Variants in LMCD1 observed in about 807,000 individuals in gnomAD.
LMCD1 encodes the protein LIM and cysteine rich domains 1.
In LMCD1, 32 loss-of-function variants were observed where a neutral mutation model predicts 42.7. The ratio of observed to expected loss-of-function variants is 0.75; its 90% CI spans 0.57 to 1.01. LMCD1 has a LOEUF of 1.01. LMCD1 is among the 50% of genes least tolerant of loss of function. The pLI, the probability that LMCD1 is intolerant of heterozygous loss-of-function variation, is 0.00. For missense variants in LMCD1, 458 were observed against 483.1 expected (o/e 0.95, Z 0.49); for synonymous variants, 178 against 184.9 (o/e 0.96, Z 0.30).
chr3:8,512,933 A>C (rs1229010621), intron 1 of LMCD1, among the ~76,000 whole-genome samples: 1 of 152,178 alleles, frequency 6.6e-6, no homozygotes, highest in Non-Finnish European at 1.5e-5. Context: ...TGGCCTTTCA[A>C]GTTCAGAAAG....
chr3:8,550,089 G>A (rs1694813815), intron 4 of LMCD1: 1 of 1,432,576 alleles, frequency 7.0e-7, no homozygotes, highest in Non-Finnish European at 9.1e-7. Context: ...TGAGGAGTGA[G>A]TCACTGGGGG....
chr3:8,501,971 A>G lies in LMCD1; in HGVS notation c.33A>G (p.Gly11=). Reference sequence around the variant, plus strand: ...AGGTGGCTAAGGACCTCAACCCAGGAGTTAAAAAGGTGAGTGGAAAGCTGT... The same window carrying G: ...AGGTGGCTAAGGACCTCAACCCAGGGGTTAAAAAGGTGAGTGGAAAGCTGT... The part of the protein sequence containing the change: MAKVAKDLNP[G]VKKMSLGQLQ... The change falls in exon 1 of 6, where the codon GGA becomes GGG. Residue 11 remains glycine, a synonymous_variant. Transcript: ENST00000157600. 1.3e-6 allele frequency: 2 copies of G among 1,592,448 alleles called. No individual in the cohort carries two copies. Among genetic ancestry groups the G allele is most frequent in the Non-Finnish European group, 1.7e-6 (2 of 1,170,710 alleles).
chr3:8,518,387 G>T (rs1694136984), intron 1 of LMCD1, among the ~76,000 whole-genome samples: 1 of 152,212 alleles, frequency 6.6e-6, no homozygotes, highest in Non-Finnish European at 1.5e-5. Context: ...TCTCTAGTGA[G>T]TCATCTTCCA....
chr3:8,555,617 G>T (rs1462214513), intron 4 of LMCD1, among the ~76,000 whole-genome samples: 2 of 151,248 alleles, frequency 1.3e-5, no homozygotes, highest in Non-Finnish European at 2.9e-5. Context: ...GTGACTTTCA[G>T]GGAGATCTTT....
intron 1 of LMCD1, 51 bp from the exon 2 acceptor site, chr3:8,532,686 C>A: frequency 6.6e-7 from 1 of 1,516,932 alleles, no homozygotes; most frequent in Non-Finnish European, 9.2e-7. Context: ...CAAGCATCTC[C>A]GGTCCAAGAT....
In LMCD1 at chr3:8,519,532, T is replaced by A. The variant is rs370823534; in HGVS notation, c.43-13205T>A. ...CAACGTGAAGGACCGTTCACTAGTT[T>A]CTGTTTCATAAAACTGAGCTTAGAA... On this transcript the variant is annotated intron_variant, in intron 1 of 5. Coordinates refer to ENST00000157600, the MANE Select transcript of LMCD1 (RefSeq NM_014583.4). Among the ~76,000 whole-genome samples the A allele has an allele frequency of 1.5e-4, 23 of 152,332 alleles. 1 individual carries two copies. Among genetic ancestry groups the A allele is most frequent in the African/African-American group, 5.3e-4 (22 of 41,570 alleles).
intron 1 of LMCD1, among the ~76,000 whole-genome samples, chr3:8,527,561 A>T (rs1322864305): frequency 6.6e-6 from 1 of 151,818 alleles, no homozygotes; most frequent in Non-Finnish European, 1.5e-5. Context: ...AACCCATCTC[A>T]CTCCAGCTTC....
At chr3:8,548,453 G>A (rs1357487930) in intron 3 of LMCD1, 115 bp from the exon 4 acceptor site, 8 of 611,004 alleles carry the variant, frequency 1.3e-5, no homozygotes, top group Non-Finnish European at 2.1e-5. Flanking sequence ...TCTTTCAGTT[G>A]CTGAGAATGC....
At chr3:8,535,404 C>T (rs1326969658) in intron 2 of LMCD1, among the ~76,000 whole-genome samples, 1 of 152,204 alleles carries the variant, frequency 6.6e-6, no homozygotes, top group Non-Finnish European at 1.5e-5. Flanking sequence ...TACTGGAACA[C>T]ATCCTTGAGA....
intron 3 of LMCD1, among the ~76,000 whole-genome samples, chr3:8,547,121 G>C (rs1694751936): frequency 1.3e-5 from 2 of 152,138 alleles, no homozygotes; most frequent in Non-Finnish European, 2.9e-5. Context: ...AGTGTTCCTT[G>C]GAGAATAAGC....
rs970262362 is a variant in LMCD1 at position 8,565,661 on chromosome 3, G to T, written c.939+14G>T. 6.3e-6 allele frequency: 10 copies of T among 1,575,128 alleles called. No individual in the cohort carries two copies. The highest frequency in any genetic ancestry group is 8.6e-6 in the Non-Finnish European group (10 of 1,160,424). Reference sequence around the variant, plus strand: ...GGCTGCGATGAGGTGGGAGATAGCCGCGAGATGGGTTAGGGGGCTTGAGGG... The same window carrying T: ...GGCTGCGATGAGGTGGGAGATAGCCTCGAGATGGGTTAGGGGGCTTGAGGG... On this transcript the variant is annotated intron_variant, in intron 5 of 5. Coordinates refer to ENST00000157600, the MANE Select transcript of LMCD1 (RefSeq NM_014583.4).
intron 1 of LMCD1, among the ~76,000 whole-genome samples, chr3:8,502,903 G>A (rs563109399): frequency 2.0e-5 from 3 of 152,222 alleles, no homozygotes; most frequent in East Asian, 1.9e-4. Context: ...ACTGAGGCCC[G>A]GGGTCACAGA....
intron 1 of LMCD1, among the ~76,000 whole-genome samples, chr3:8,520,261 G>A (rs1183543348): frequency 6.6e-6 from 1 of 152,102 alleles, no homozygotes; most frequent in African/African-American, 2.4e-5. Flanking sequence ...CATTCCTACA[G>A]GATGACATTC....
intron 3 of LMCD1, among the ~76,000 whole-genome samples, chr3:8,544,928 G>A (rs1458526818): frequency 1.3e-5 from 2 of 152,164 alleles, no homozygotes; most frequent in African/African-American, 4.8e-5. Context: ...CCGTGGTCCT[G>A]ACCTGTATCT....
rs1227837013 is a variant in LMCD1, at chr3:8,573,483, G to A, written c.*5885G>A. 6.6e-6 allele frequency: 1 copy of A among 152,204 alleles called. No individual in the cohort carries two copies. The highest frequency in any genetic ancestry group is 1.5e-5 in the Non-Finnish European group (1 of 68,046). 9.4% of individuals were successfully genotyped at this position (152,204 alleles called of 1,614,324 possible). On this transcript the variant is annotated 3_prime_UTR_variant, in exon 6 of 6. Coordinates refer to ENST00000157600, the MANE Select transcript of LMCD1 (RefSeq NM_014583.4). ...GAGCACTTGACTCGCTGGGTTATCAGGCTTTGGCTCCAAATGTTTGGCTTC... is the reference window on the plus strand; with the variant it reads ...GAGCACTTGACTCGCTGGGTTATCAAGCTTTGGCTCCAAATGTTTGGCTTC...
chr3:8,553,194 C>G, intron 4 of LMCD1, among the ~76,000 whole-genome samples: 1 of 152,094 alleles, frequency 6.6e-6, no homozygotes, highest in Non-Finnish European at 1.5e-5. Flanking sequence ...CCCCACTTTC[C>G]CCTACACCCA....
At chr3:8,567,361 C>T in intron 5 of LMCD1, 79 bp from the exon 6 acceptor site, 1 of 1,450,324 alleles carries the variant, frequency 6.9e-7, no homozygotes, top group South Asian at 1.3e-5. Context: ...GAACCACCAC[C>T]CTATAACTTG....
At chr3:8,552,843 C>A (rs1487432014) in intron 4 of LMCD1, among the ~76,000 whole-genome samples, 1 of 152,166 alleles carries the variant, frequency 6.6e-6, no homozygotes, top group African/African-American at 2.4e-5. Flanking sequence ...CCTGCCTCAG[C>A]CTTCCGAGTA....
chr3:8,566,431 C>T (rs971200598), intron 5 of LMCD1, among the ~76,000 whole-genome samples: 2 of 152,144 alleles, frequency 1.3e-5, no homozygotes, highest in African/African-American at 2.4e-5. Context: ...CCACCTTCTA[C>T]GAATTGGTCA....
Sources: gnomAD v4.1 joint callset for allele counts (sites outside exome capture counted in the v4.1 genomes callset) on GRCh38, gnomAD v4.1.1 for gene constraint, MANE v1.5 for transcripts, NCBI Gene and HGNC (gene_info 2026-07-23, HGNC 2026-07-21) for gene names.